PAQR5: variants seen among roughly 807,000 people sequenced by gnomAD.
PAQR5 encodes the protein membrane progestin receptor gamma.
Under a neutral mutation model 34.5 loss-of-function variants are expected in PAQR5, and 20 were observed. The ratio of observed to expected loss-of-function variants is 0.58; its 90% CI spans 0.41 to 0.84. The LOEUF (loss-of-function observed/expected upper bound fraction) is 0.84. Ranked by LOEUF, PAQR5 falls within the 40% of genes least tolerant of loss-of-function variation. The probability of loss-of-function intolerance (pLI) is 0.00; values close to 1 mark genes in which losing one functional copy is unlikely to be tolerated. For missense variants in PAQR5, 378 were observed against 412.7 expected (o/e 0.92, Z 0.73); for synonymous variants, 131 against 155.6 (o/e 0.84, Z 1.18).
chr15:69,370,623 G>A (rs1232429490), intron 3 of PAQR5, among the ~76,000 whole-genome samples: 1 of 152,258 alleles, frequency 6.6e-6, no homozygotes, highest in Non-Finnish European at 1.5e-5. Flanking sequence ...AGGTTCAAGC[G>A]ATTCTCCTGC....
chr15:69,403,776 C>T lies in PAQR5; in HGVS notation c.947C>T (p.Ala316Val), dbSNP rs770116153. 3.1e-5 allele frequency: 50 copies of T among 1,613,740 alleles called. No homozygotes were observed. The highest frequency in any genetic ancestry group is 4.0e-5 in the Non-Finnish European group (47 of 1,179,732). The change falls in exon 9 of 9, where the codon GCT becomes GTT. Residue 316 changes from alanine (A) to valine (V), a missense_variant. Physicochemically the swap from Ala to Val is moderately conservative, Grantham distance 64. Coordinates refer to ENST00000395407, the MANE Select transcript of PAQR5 (RefSeq NM_017705.4). ...AGCAACATAATTTATTTCTCAGCTG[C>T]TCTGTATCGGATTCCCAAGCCAGAA... ...SLSNIIYFSA[A>V]LYRIPKPELH...
Sources: allele counts gnomAD v4.1 joint callset (sites outside exome capture counted in the v4.1 genomes callset), GRCh38; gene constraint gnomAD v4.1.1; transcripts MANE v1.5; gene names NCBI Gene and HGNC (gene_info 2026-07-23, HGNC 2026-07-21).